The following NLRP1 variants were observed in gnomAD, a reference collection of about 807,000 sequenced individuals.
The protein encoded by NLRP1 is NLR family pyrin domain containing 1, also known as NACHT, LRR and PYD domains-containing protein 1.
A neutral mutation model predicts 136.7 loss-of-function variants in NLRP1; 94 were observed. The observed-to-expected ratio is 0.69, with a 90% CI of 0.58 to 0.82. The LOEUF is 0.82. Ranked by LOEUF, NLRP1 falls within the 40% of genes least tolerant of loss-of-function variation. NLRP1 has a pLI of 0.00. For missense variants in NLRP1, 1,575 were observed against 1,802.7 expected, an observed-to-expected ratio of 0.87 and a Z score of 2.29; for synonymous variants, 690 against 725.1, an observed-to-expected ratio of 0.95 and a Z score of 0.78.
chr17:5,582,700 G>T lies in NLRP1; in HGVS notation c.418C>A (p.Leu140Met), dbSNP rs113651705. 43 of 1,614,016 alleles carry T rather than the reference G, an allele frequency of 2.7e-5. No individual in the cohort carries two copies. Among genetic ancestry groups the T allele is most frequent in the Non-Finnish European group, 3.1e-5 (36 of 1,180,034 alleles). The stretch of plus-strand genomic sequence containing the variant: ...CAGCGGCGTCCAGATGTGTCAGGCA[G>T]CTGTCTCAAAACCCTTCTCTCTGAG... ...QGSERRVLRQ[L>M]PDTSGRRWRE... is the part of the protein sequence containing the mutation. Residue 140 changes from leucine to methionine, a missense_variant, in exon 2 of 17, where the codon CTG (leucine) becomes ATG (methionine). Leu to Met is a conservative substitution (Grantham distance 15). Transcript: ENST00000572272.
Position 5,569,624 on chromosome 17 carries a change from C to T in NLRP1, c.653-9581G>A, listed in dbSNP as rs117799704. ...TACAGGAGCACCCAGATTCATAAGA[C>T]GAGTTCTTAGAGACTGATGAAGAGA... On this transcript the variant is annotated intron_variant, in intron 3 of 16. Transcript: ENST00000572272. Among the ~76,000 whole-genome samples the T allele has an allele frequency of 4.2e-4, 64 of 152,196 alleles. No individual in the cohort carries two copies. The East Asian group carries it at 0.011, about 25-fold the overall frequency.
intron 12 of NLRP1, among the ~76,000 whole-genome samples, chr17:5,529,601 C>T (rs1037904736): frequency 2.0e-5 from 3 of 152,158 alleles, no homozygotes; most frequent in African/African-American, 7.2e-5. Context: ...CTCCTGACCT[C>T]GTGATCCGCC....
In NLRP1 at chr17:5,523,381, C is replaced by T. The variant is rs148655504; in HGVS notation, c.3521-1595G>A. 9.3e-3 allele frequency among the ~76,000 whole-genome samples: 1,423 copies of T among 152,250 alleles called. 11 individuals carry two copies. The highest frequency in any genetic ancestry group is 0.034 in the Middle Eastern group (10 of 294). ...AGGAGGGTCCTACAGTAGCTGTCTC[C>T]GTATTTTCTGCCGCCTGTCTCCGTA... On this transcript the variant is annotated intron_variant, in intron 12 of 16. Coordinates refer to ENST00000572272, the MANE Select transcript of NLRP1 (RefSeq NM_033004.4).
chr17:5,583,541 T>C lies in NLRP1; in HGVS notation c.271+146A>G, dbSNP rs1905945414. The C allele has an allele frequency of 1.2e-6, 1 of 854,400 alleles. No homozygotes were observed. Among genetic ancestry groups the C allele is most frequent in the Non-Finnish European group, 1.8e-6 (1 of 567,224 alleles). The allele number at this position is 854,400 out of a possible 1,614,324, so 52.9% of individuals were successfully genotyped here. A position where few individuals can be genotyped will look rare whatever the true frequency, so the allele number is the denominator to read the frequency against. On this transcript the variant is annotated intron_variant, in intron 1 of 16. Transcript: ENST00000572272. The surrounding 1 kb of genome is among the most constrained non-coding windows in gnomAD (Gnocchi z 4.5). Reference sequence around the variant, plus strand: ...CCTGGCTCCAGCATAGTCTGGGGCCTGGATCCCCCTTTGAGAGGGCAGTTC... The same window carrying C: ...CCTGGCTCCAGCATAGTCTGGGGCCCGGATCCCCCTTTGAGAGGGCAGTTC...
intron 12 of NLRP1, among the ~76,000 whole-genome samples, chr17:5,524,157 C>T (rs751836499): frequency 6.6e-6 from 1 of 152,184 alleles, no homozygotes; most frequent in Non-Finnish European, 1.5e-5. Context: ...AGGTGATCCA[C>T]CTGCCTCGGC....
chr17:5,567,993 T>C (rs948705767), intron 3 of NLRP1, among the ~76,000 whole-genome samples: 1 of 152,158 alleles, frequency 6.6e-6, no homozygotes, highest in Non-Finnish European at 1.5e-5. Flanking sequence ...AATCCTTTCT[T>C]TATCCTTGAC....
At position 5,559,814 on chromosome 17, in the gene NLRP1, G is replaced by A; in HGVS notation, c.882C>T (p.Pro294=). The part of the protein sequence containing the change: ...LQRPHPRSQD[P]LVKRSWPDYV... ...AATCAGGCCAGCTTCTCTTGACCAG[G>A]GGATCTTGGCTTCTGGGGTGAGGTC... Residue 294 remains proline, a synonymous_variant, in exon 4 of 17, where the codon CCC becomes CCT. Coordinates refer to ENST00000572272, the MANE Select transcript of NLRP1 (RefSeq NM_033004.4). 1 of 1,614,198 alleles carries A rather than the reference G, an allele frequency of 6.2e-7. No homozygotes were observed. Among genetic ancestry groups the A allele is most frequent in the Non-Finnish European group, 8.5e-7 (1 of 1,180,036 alleles).
chr17:5,527,307 C>T (rs373483607), intron 12 of NLRP1, among the ~76,000 whole-genome samples: 8 of 152,346 alleles, frequency 5.3e-5, no homozygotes, highest in South Asian at 2.1e-4. Context: ...TACGAATTCA[C>T]GTTGGGCTTC....
intron 7 of NLRP1, among the ~76,000 whole-genome samples, chr17:5,538,382 T>G (rs1445965611): frequency 3.9e-5 from 6 of 152,074 alleles, no homozygotes; most frequent in Admixed American, 3.9e-4. Flanking sequence ...TGCCTCTTTG[T>G]TCTGGGCCTT....
intron 3 of NLRP1, among the ~76,000 whole-genome samples, chr17:5,565,472 G>A (rs1011634591): frequency 6.6e-6 from 1 of 152,156 alleles, no homozygotes; most frequent in African/African-American, 2.4e-5. Context: ...TCACTGTGCA[G>A]AAGCTTTTTA....
Position 5,541,997 on chromosome 17 carries a change from G to C in NLRP1, c.2559C>G (p.Asp853Glu). 1 of 1,613,880 alleles carries C rather than the reference G, an allele frequency of 6.2e-7. No individual in the cohort carries two copies. ...RLAGCGLTAE[D>E]CKDLAFGLRA... ...TCAGCCCAAAGGCAAGGTCCTTGCA[G>C]TCCTCAGCTGTGAGGCCACAGCCAG... Residue 853 changes from aspartate (D) to glutamate (E), a missense_variant, in exon 6 of 17, where the codon GAC becomes GAG. Transcript: ENST00000572272. The surrounding 1 kb of genome is among the most constrained non-coding windows in gnomAD (Gnocchi z 4.2).
chr17:5,516,288 G>C (rs1908106488), intron 15 of NLRP1, among the ~76,000 whole-genome samples: 1 of 152,116 alleles, frequency 6.6e-6, no homozygotes. Flanking sequence ...CAGTCCAGGG[G>C]TCAATTCTGA....
rs757538360 is a variant in NLRP1, at chr17:5,532,967, C to A, written c.3151G>T (p.Val1051Leu). Reference protein sequence around the residue: ...AEIAEESSPEVVPVELLCVPS... With the variant: ...AEIAEESSPELVPVELLCVPS... ...ACGCACAAGAGTTCCACCGGTACTA[C>A]CTCTGGGGAGCTTTCCTCTGAAACA... Residue 1051 changes from valine to leucine, a missense_variant, in exon 11 of 17, where the codon GTA becomes TTA. By Grantham distance (32) the Val-to-Leu change is conservative (BLOSUM62 1). Transcript: ENST00000572272. 5 of 1,612,566 alleles carry A rather than the reference C, an allele frequency of 3.1e-6. No individual in the cohort carries two copies. Among genetic ancestry groups the A allele is most frequent in the African/African-American group, 1.3e-5 (1 of 74,800 alleles).
rs1219031969 is a variant in NLRP1, at chr17:5,558,665, C to T, written c.2031G>A (p.Leu677=). Residue 677 remains leucine (L), a synonymous_variant, in exon 4 of 17, where the codon CTG becomes CTA. Transcript: ENST00000572272. ...GASTTRFLLG[L]LSDEGEREME... ...TCTCTCTCTCCCCCTCATCACTTAA[C>T]AGGCCCAATAGGAAACGTGTGGTTG... 12 of 1,614,170 alleles carry T rather than the reference C, an allele frequency of 7.4e-6. No homozygotes were observed. Among genetic ancestry groups the T allele is most frequent in the Non-Finnish European group, 1.0e-5 (12 of 1,180,034 alleles).
At chr17:5,518,207 G>A in intron 14 of NLRP1, 1 of 237,172 alleles carries the variant, frequency 4.2e-6, no homozygotes, top group South Asian at 7.1e-5. Flanking sequence ...TCTTCCCAAT[G>A]GACCCTAAAC....
In NLRP1 at chr17:5,520,867, A is replaced by C. The variant is rs376976600; in HGVS notation, c.3915+14T>G. On this transcript the variant is annotated intron_variant, in intron 14 of 16. Coordinates refer to ENST00000572272, the MANE Select transcript of NLRP1 (RefSeq NM_033004.4). ...TTCTGTTCGCAGTGAAGAGGCAGAC[A>C]CTGGGCTGCTCACCTTGGGGAGTAT... 5.1e-6 allele frequency: 8 copies of C among 1,576,116 alleles called. No homozygotes were observed. The Middle Eastern group carries it at 8.5e-4, about 167-fold the overall frequency.
At chr17:5,566,248 A>G (rs748331066) in intron 3 of NLRP1, among the ~76,000 whole-genome samples, 6 of 151,892 alleles carry the variant, frequency 4.0e-5, no homozygotes, top group Non-Finnish European at 7.4e-5. Flanking sequence ...TCTCTTTAAG[A>G]TGCATCATTA....
At chr17:5,510,194 CA>C (rs1907554892), downstream of NLRP1, among the ~76,000 whole-genome samples, 1 of 151,252 alleles carries the variant, frequency 6.6e-6, no homozygotes, top group African/African-American at 2.4e-5. Context: ...GGTAAGCACC[CA>C]GCCAATTATT....
intron 3 of NLRP1, among the ~76,000 whole-genome samples, chr17:5,581,610 T>C (rs562013779): frequency 6.6e-6 from 1 of 152,162 alleles, no homozygotes; most frequent in Admixed American, 6.5e-5. Flanking sequence ...CCATCCAGGC[T>C]CCCCTCTCCT....
Sources: allele counts gnomAD v4.1 joint callset (sites outside exome capture counted in the v4.1 genomes callset), GRCh38; gene constraint gnomAD v4.1.1; non-coding constraint Gnocchi (gnomAD v3.1); transcripts MANE v1.5; gene names NCBI Gene and HGNC (gene_info 2026-07-23, HGNC 2026-07-21).